Variants in REDIC1 observed in about 807,000 individuals in gnomAD.
REDIC1 encodes the protein regulator of DNA class I crossover intermediates 1, also known as HEI10 Interacting Protein 1.
the REDIC1 span, among the ~76,000 whole-genome samples, chr12:39,801,410 G>A: frequency 4.0e-5 from 6 of 148,856 alleles, no homozygotes; most frequent in Non-Finnish European, 7.4e-5. Context: ...AAAACATAAA[G>A]CAAACAGCCA....
At chr12:39,653,248 T>C in the REDIC1 span, among the ~76,000 whole-genome samples, 1 of 152,084 alleles carries the variant, frequency 6.6e-6, no homozygotes, top group Non-Finnish European at 1.5e-5. Flanking sequence ...AAGCCTTGTT[T>C]CTTTCTTCCT....
the REDIC1 span, among the ~76,000 whole-genome samples, chr12:39,899,118 T>C: frequency 6.6e-6 from 1 of 152,126 alleles, no homozygotes; most frequent in African/African-American, 2.4e-5. Flanking sequence ...TCCTGGACTC[T>C]TTTTGGTTGG....
At chr12:39,665,921 T>G in the REDIC1 span, among the ~76,000 whole-genome samples, 1 of 152,232 alleles carries the variant, frequency 6.6e-6, no homozygotes, top group African/African-American at 2.4e-5. Flanking sequence ...ACATTGATTT[T>G]GTATCCTGAG....
At chr12:39,805,137 C>A in the REDIC1 span, among the ~76,000 whole-genome samples, 1 of 148,290 alleles carries the variant, frequency 6.7e-6, no homozygotes, top group Non-Finnish European at 1.5e-5. Flanking sequence ...ACAGCAAGGG[C>A]AGGCCAGGCC....
At chr12:39,653,283 C>T in the REDIC1 span, among the ~76,000 whole-genome samples, 30 of 151,856 alleles carry the variant, frequency 2.0e-4, no homozygotes, top group East Asian at 1.9e-3. Flanking sequence ...TTTATGCTTT[C>T]GTAAATGGAA....
chr12:39,798,565 T>A, the REDIC1 span, among the ~76,000 whole-genome samples: 1 of 152,208 alleles, frequency 6.6e-6, no homozygotes, highest in South Asian at 2.1e-4. Context: ...GCTTCAACTG[T>A]TTCTAACTGT....
the REDIC1 span, chr12:39,907,506 C>T: frequency 6.6e-6 from 1 of 152,044 alleles, no homozygotes; most frequent in Non-Finnish European, 1.5e-5. Flanking sequence ...TCTATCAAAA[C>T]CATAATGTAC....
the REDIC1 span, among the ~76,000 whole-genome samples, chr12:39,833,073 T>C: frequency 1.3e-5 from 2 of 152,220 alleles, no homozygotes; most frequent in Admixed American, 1.3e-4. Context: ...TGGAAATTAT[T>C]ATCATCTATG....
the REDIC1 span, among the ~76,000 whole-genome samples, chr12:39,695,168 C>A: frequency 6.6e-6 from 1 of 152,124 alleles, no homozygotes; most frequent in Non-Finnish European, 1.5e-5. Context: ...GGCCTGAGTA[C>A]ATTTCCAGCT....
At chr12:39,783,138 G>T in the REDIC1 span, among the ~76,000 whole-genome samples, 1 of 152,144 alleles carries the variant, frequency 6.6e-6, no homozygotes, top group Admixed American at 6.5e-5. Context: ...TTATGTCCTT[G>T]TGATAGTTTG....
chr12:39,827,653 C>A, the REDIC1 span, among the ~76,000 whole-genome samples: 1 of 152,100 alleles, frequency 6.6e-6, no homozygotes, highest in Non-Finnish European at 1.5e-5. Flanking sequence ...TGCAGCAGCT[C>A]AGTCTACTAC....
the REDIC1 span, among the ~76,000 whole-genome samples, chr12:39,729,264 T>A: frequency 2.0e-5 from 3 of 152,204 alleles, no homozygotes; most frequent in African/African-American, 7.2e-5. Flanking sequence ...GTGTCAATTT[T>A]AGATCTTTCC....
the REDIC1 span, among the ~76,000 whole-genome samples, chr12:39,703,874 T>G: frequency 6.6e-6 from 1 of 152,176 alleles, no homozygotes; most frequent in Admixed American, 6.5e-5. Context: ...GCTAGCCATA[T>G]GTAGAAAGCT....
At chr12:39,702,836 C>T in the REDIC1 span, among the ~76,000 whole-genome samples, 1 of 152,196 alleles carries the variant, frequency 6.6e-6, no homozygotes, top group Non-Finnish European at 1.5e-5. Context: ...ACAAAAACCA[C>T]ATGATTATCT....
At chr12:39,664,241 A>G in the REDIC1 span, among the ~76,000 whole-genome samples, 13 of 111,174 alleles carry the variant, frequency 1.2e-4, no homozygotes, top group African/African-American at 4.3e-4. Context: ...CCACCCCACA[A>G]CAGGCCCTGG....
At chr12:39,709,410 C>G in the REDIC1 span, among the ~76,000 whole-genome samples, 3 of 151,616 alleles carry the variant, frequency 2.0e-5, no homozygotes, top group Non-Finnish European at 2.9e-5. Context: ...TCAACAGTTT[C>G]CAGGTGTACA....
At chr12:39,726,837 C>T in the REDIC1 span, among the ~76,000 whole-genome samples, 1 of 152,166 alleles carries the variant, frequency 6.6e-6, no homozygotes, top group Admixed American at 6.6e-5. Flanking sequence ...TCTTTCCTGA[C>T]GTTTTAATAA....
At chr12:39,838,760 TA>T in the REDIC1 span, among the ~76,000 whole-genome samples, 1 of 152,090 alleles carries the variant, frequency 6.6e-6, no homozygotes, top group African/African-American at 2.4e-5. Flanking sequence ...GAAAATCTTT[TA>T]AAAATTGATT....
chr12:39,628,172 CAA>C, the REDIC1 span, among the ~76,000 whole-genome samples: 1 of 152,084 alleles, frequency 6.6e-6, no homozygotes, highest in Non-Finnish European at 1.5e-5. Context: ...AACTTTCACA[CAA>C]ACATGGTTGC....
Sources: allele counts gnomAD v4.1 joint callset (sites outside exome capture counted in the v4.1 genomes callset), GRCh38; gene constraint gnomAD v4.1.1; transcripts MANE v1.5; gene names NCBI Gene and HGNC (gene_info 2026-07-23, HGNC 2026-07-21).